Variants in FAT3 observed in about 807,000 individuals in gnomAD.
FAT3 encodes FAT atypical cadherin 3, also known as protocadherin Fat 3.
FAT3 carries 95 observed loss-of-function variants against 310.2 expected under a neutral mutation model. That is an observed-to-expected ratio of 0.31 (90% confidence interval 0.26 to 0.36). The LOEUF is 0.36. Among genes scored for constraint, FAT3 ranks in the 10% least tolerant of loss-of-function variants. The pLI is 1.00. For missense variants in FAT3, 5,408 were observed against 5,715.6 expected (o/e 0.95, Z 1.74); for synonymous variants, 2,314 against 2,192.9 (o/e 1.06, Z -1.54).
At chr11:92,732,447 C>G (rs1591659922) in intron 4 of FAT3, among the ~76,000 whole-genome samples, 1 of 151,966 alleles carries the variant, frequency 6.6e-6, no homozygotes, top group South Asian at 2.1e-4. Context: ...GCTAAGGACA[C>G]AAAAATGAAT....
chr11:92,706,205 T>G (rs1944347016), intron 4 of FAT3, among the ~76,000 whole-genome samples: 1 of 152,074 alleles, frequency 6.6e-6, no homozygotes, highest in Non-Finnish European at 1.5e-5. Flanking sequence ...GAATAATCCT[T>G]TCTGAGATCT....
At chr11:92,687,505 A>T (rs1172231531) in intron 3 of FAT3, among the ~76,000 whole-genome samples, 1 of 152,204 alleles carries the variant, frequency 6.6e-6, no homozygotes, top group African/African-American at 2.4e-5. Context: ...TGTACAATTC[A>T]GCATTAATCT....
At chr11:92,267,970 T>A (rs189712178) in intron 1 of FAT3, among the ~76,000 whole-genome samples, 60 of 151,710 alleles carry the variant, frequency 4.0e-4, no homozygotes, top group Admixed American at 1.4e-3. Context: ...AAAATTGAGG[T>A]TTTTCTTCCT....
chr11:92,599,947 A>G (rs1229302455), intron 3 of FAT3, among the ~76,000 whole-genome samples: 5 of 152,208 alleles, frequency 3.3e-5, no homozygotes, highest in African/African-American at 7.2e-5. Context: ...TAAAAGATCT[A>G]TGATCACACA....
intron 3 of FAT3, among the ~76,000 whole-genome samples, chr11:92,550,137 A>G (rs1427254645): frequency 6.6e-6 from 1 of 152,208 alleles, no homozygotes; most frequent in Non-Finnish European, 1.5e-5. Flanking sequence ...AAATCACTTT[A>G]AATGGTATTT....
chr11:92,346,908 AT>A (rs778071445), intron 1 of FAT3, among the ~76,000 whole-genome samples: 22 of 151,978 alleles, frequency 1.4e-4, no homozygotes, highest in Non-Finnish European at 2.9e-4. Context: ...TAGGTTGTAA[AT>A]TTTACTCCCT....
chr11:92,845,296 C>T (rs954733647), intron 19 of FAT3, among the ~76,000 whole-genome samples: 1 of 152,166 alleles, frequency 6.6e-6, no homozygotes, highest in Non-Finnish European at 1.5e-5. Flanking sequence ...TGATGAGAAG[C>T]GAAGAAATGG....
Position 92,798,920 on chromosome 11 carries a change from C to T in FAT3, c.5907C>T (p.Thr1969=), listed in dbSNP as rs377334110. ...DGKFYSTSMV[T]IMVKEAMDSG... ...AGTTCTACAGTACCTCCATGGTCAC[C>T]ATCATGGTTAAAGAAGCCATGGACA... Residue 1969 remains threonine (T), a synonymous_variant, in exon 10 of 28, where the codon ACC becomes ACT. Coordinates refer to ENST00000525166, the MANE Select transcript of FAT3 (RefSeq NM_001367949.2). 8.7e-6 allele frequency: 14 copies of T among 1,613,856 alleles called. No homozygotes were observed. The highest frequency in any genetic ancestry group is 2.7e-5 in the African/African-American group (2 of 74,900).
chr11:92,501,707 T>G (rs1952944984), intron 2 of FAT3, among the ~76,000 whole-genome samples: 1 of 152,046 alleles, frequency 6.6e-6, no homozygotes, highest in South Asian at 2.1e-4. Flanking sequence ...GTCAACTCTT[T>G]ATGATGGATT....
chr11:92,316,702 T>A (rs1034649032), intron 1 of FAT3, among the ~76,000 whole-genome samples: 2 of 152,128 alleles, frequency 1.3e-5, no homozygotes, highest in African/African-American at 4.8e-5. Flanking sequence ...GAAAAAAAAA[T>A]GATTAAATCA....
chr11:92,809,947 C>A lies in FAT3; in HGVS notation c.9352C>A (p.His3118Asn). 6.2e-7 allele frequency: 1 copy of A among 1,613,936 alleles called. No individual in the cohort carries two copies. The highest frequency in any genetic ancestry group is 8.5e-7 in the Non-Finnish European group (1 of 1,179,808). The change falls in exon 13 of 28, where the codon CAC becomes AAC. Residue 3118 changes from histidine (H) to asparagine (N), a missense_variant. Physicochemically the swap from His to Asn is moderately conservative, Grantham distance 68. Coordinates refer to ENST00000525166, the MANE Select transcript of FAT3 (RefSeq NM_001367949.2). ...GGGRFCQSNI[H>N]LILEDVNDNP... ...TGGCAGGTTCTGCCAGTCCAACATC[C>A]ACCTAATCCTGGAGGATGTGAATGA... is the stretch of plus-strand genomic sequence containing the variant.
intron 1 of FAT3, among the ~76,000 whole-genome samples, chr11:92,301,804 G>A (rs1356565738): frequency 2.0e-5 from 3 of 152,046 alleles, no homozygotes; most frequent in African/African-American, 7.2e-5. Context: ...AGTGGGTCTA[G>A]AGTGTTGTTG....
At chr11:92,639,932 G>C (rs962908996) in intron 3 of FAT3, among the ~76,000 whole-genome samples, 5 of 152,080 alleles carry the variant, frequency 3.3e-5, no homozygotes, top group African/African-American at 1.2e-4. Context: ...CGACGTCCAT[G>C]GACAATGCCA....
rs896201006 is a variant in FAT3, at chr11:92,784,905, CTG to C, written c.4336-5037_4336-5036del. On this transcript the variant is annotated intron_variant, in intron 7 of 27. Coordinates refer to ENST00000525166, the MANE Select transcript of FAT3 (RefSeq NM_001367949.2). Reference sequence around the variant, plus strand: ...AGGCTTTTTCCTCCCATTAATATAACTGAACACAAATATTTTAGCATCTTGAC... The same window carrying C: ...AGGCTTTTTCCTCCCATTAATATAACAACACAAATATTTTAGCATCTTGAC... Among the ~76,000 whole-genome samples, 59 of 152,012 alleles carry C rather than the reference CTG, an allele frequency of 3.9e-4. 1 individual carries two copies. The highest frequency in any genetic ancestry group is 4.1e-4 in the Non-Finnish European group (28 of 68,000).
chr11:92,735,568 A>G (rs1399594150), intron 4 of FAT3, among the ~76,000 whole-genome samples: 2 of 138,106 alleles, frequency 1.4e-5, no homozygotes, highest in Non-Finnish European at 3.3e-5. Context: ...ATAGATAGAT[A>G]GATAGATAGA....
intron 3 of FAT3, among the ~76,000 whole-genome samples, chr11:92,661,168 G>A (rs1942767397): frequency 6.6e-6 from 1 of 152,178 alleles, no homozygotes; most frequent in African/African-American, 2.4e-5. Context: ...GCAAGGCAGG[G>A]GTGAGCCAGC....
At chr11:92,397,943 G>A (rs1949914771) in intron 2 of FAT3, among the ~76,000 whole-genome samples, 1 of 152,044 alleles carries the variant, frequency 6.6e-6, no homozygotes, top group South Asian at 2.1e-4. Context: ...ACATACTCAT[G>A]TACACAAGGA....
chr11:92,650,404 A>T (rs543070027), intron 3 of FAT3, among the ~76,000 whole-genome samples: 1 of 152,154 alleles, frequency 6.6e-6, no homozygotes, highest in Admixed American at 6.5e-5. Context: ...TGCACTCATT[A>T]ATACGCACTG....
intron 2 of FAT3, among the ~76,000 whole-genome samples, chr11:92,496,580 T>C (rs149355532): frequency 6.6e-6 from 1 of 152,098 alleles, no homozygotes; most frequent in Non-Finnish European, 1.5e-5. Context: ...CTATCTGGGA[T>C]GGGGTTGCTC....
Sources: gnomAD v4.1 joint callset for allele counts (sites outside exome capture counted in the v4.1 genomes callset) on GRCh38, gnomAD v4.1.1 for gene constraint, MANE v1.5 for transcripts, NCBI Gene and HGNC (gene_info 2026-07-23, HGNC 2026-07-21) for gene names.